AGAP1: variants seen among roughly 807,000 people sequenced by gnomAD.
The protein encoded by AGAP1 is arf-GAP with GTPase, ANK repeat and PH domain-containing protein 1.
In AGAP1, 29 loss-of-function variants were observed where a neutral mutation model predicts 105.3. That is an observed-to-expected ratio of 0.28 (90% CI 0.21 to 0.38). The LOEUF (loss-of-function observed/expected upper bound fraction) is 0.38. Ranked by LOEUF, AGAP1 falls within the 10% of genes least tolerant of loss-of-function variation. AGAP1 has a pLI of 1.00. For synonymous variants in AGAP1, 509 were observed against 485.9 expected (o/e 1.05, Z -0.63); for missense variants, 998 against 1,165.1 (o/e 0.86, Z 2.09).
At chr2:235,969,269 A>C (rs1349582695) in intron 13 of AGAP1, among the ~76,000 whole-genome samples, 1 of 150,020 alleles carries the variant, frequency 6.7e-6, no homozygotes, top group Non-Finnish European at 1.5e-5. Context: ...TTTTTTTTTT[A>C]ATTCATAGAT....
At chr2:235,986,474 G>A (rs2055318920) in intron 13 of AGAP1, among the ~76,000 whole-genome samples, 1 of 151,980 alleles carries the variant, frequency 6.6e-6, no homozygotes, top group Admixed American at 6.6e-5. Flanking sequence ...TTCTTCTCTT[G>A]CCTGATCGTC....
At chr2:235,554,484 GC>G (rs1303051827) in intron 1 of AGAP1, among the ~76,000 whole-genome samples, 3 of 152,198 alleles carry the variant, frequency 2.0e-5, no homozygotes, top group Non-Finnish European at 4.4e-5. Flanking sequence ...TTAATCAGAA[GC>G]CCCTGCTGCA....
rs188125721 is a variant in AGAP1, at chr2:235,710,601, G to A, written c.222+1364G>A. On this transcript the variant is annotated intron_variant, in intron 2 of 17. Transcript: ENST00000304032. ...CCTAGTGCTGTCTCAGAAGCCTGGG[G>A]TTCCGCAAGACTGGCCTGGAAAGAG... Among the ~76,000 whole-genome samples, 141 of 152,352 alleles carry A rather than the reference G, an allele frequency of 9.3e-4. 2 individuals carry two copies. The East Asian group carries it at 0.018, about 20-fold the overall frequency.
Position 235,888,329 on chromosome 2 carries a change from A to G in AGAP1, c.1155+4880A>G, listed in dbSNP as rs67327150. Among the ~76,000 whole-genome samples the G allele has an allele frequency of 0.44, 66,590 of 151,766 alleles. 14,998 individuals are homozygous for G. Among genetic ancestry groups the G allele is most frequent in the South Asian group, 0.75 (3,571 of 4,788 alleles). Reference sequence around the variant, plus strand: ...CTCTGTGACACAGGGATGTTCAGGCATAGTAGCTGATGTCAGAGGATTGCC... The same window carrying G: ...CTCTGTGACACAGGGATGTTCAGGCGTAGTAGCTGATGTCAGAGGATTGCC... On this transcript the variant is annotated intron_variant, in intron 10 of 17. Coordinates refer to ENST00000304032, the MANE Select transcript of AGAP1 (RefSeq NM_001037131.3). This position sits in a 1 kb window ranked among gnomAD's most constrained non-coding sequence, Gnocchi z 4.8.
At chr2:235,613,571 T>C (rs1445036080) in intron 1 of AGAP1, among the ~76,000 whole-genome samples, 1 of 152,126 alleles carries the variant, frequency 6.6e-6, no homozygotes, top group African/African-American at 2.4e-5. Context: ...TGTTTTTAGG[T>C]AAATAATAAC....
At chr2:235,847,660 G>T (rs1381718966) in intron 9 of AGAP1, among the ~76,000 whole-genome samples, 1 of 152,240 alleles carries the variant, frequency 6.6e-6, no homozygotes, top group Admixed American at 6.5e-5. Flanking sequence ...TTACTGAAGA[G>T]ATCATTTCTA....
Position 235,989,255 on chromosome 2 carries a change from T to A in AGAP1, c.1645+20632T>A, listed in dbSNP as rs1199364240. 1.3e-5 allele frequency among the ~76,000 whole-genome samples: 2 copies of A among 152,194 alleles called. No homozygotes were observed. The highest frequency in any genetic ancestry group is 2.4e-5 in the African/African-American group (1 of 41,440). ...TGCTGACAGGTATTTATTGACCAGG[T>A]ACTGTGTAGAGGTCGCTGCTGCGTG... On this transcript the variant is annotated intron_variant, in intron 13 of 17. Coordinates refer to ENST00000304032, the MANE Select transcript of AGAP1 (RefSeq NM_001037131.3). This position sits in a 1 kb window ranked among gnomAD's most constrained non-coding sequence, Gnocchi z 4.4.
intron 16 of AGAP1, among the ~76,000 whole-genome samples, chr2:236,116,767 A>G (rs2059781820): frequency 6.8e-6 from 1 of 146,006 alleles, no homozygotes; most frequent in Non-Finnish European, 1.5e-5. Flanking sequence ...CTTCCCCCCA[A>G]GTCCCCAAAG....
chr2:235,876,983 G>T (rs984621709), intron 9 of AGAP1, among the ~76,000 whole-genome samples: 2 of 151,958 alleles, frequency 1.3e-5, no homozygotes, highest in Admixed American at 6.6e-5. Context: ...AAGTAGCTGG[G>T]ATTACAGGCA....
intron 1 of AGAP1, among the ~76,000 whole-genome samples, chr2:235,703,293 C>G (rs1431317039): frequency 6.6e-6 from 1 of 151,970 alleles, no homozygotes. Flanking sequence ...TGTGTTACTC[C>G]AGGCTCACTT....
At chr2:235,565,534 G>GGATTC (rs1374721792) in intron 1 of AGAP1, among the ~76,000 whole-genome samples, 7 of 152,132 alleles carry the variant, frequency 4.6e-5, no homozygotes, top group Non-Finnish European at 1.0e-4. Context: ...AACTAACCAG[G>GGATTC]GATTCCTGTG....
chr2:236,063,711 G>A (rs1027443517), intron 16 of AGAP1, among the ~76,000 whole-genome samples: 5 of 152,206 alleles, frequency 3.3e-5, no homozygotes, highest in African/African-American at 1.2e-4. Context: ...CAAACTGTCC[G>A]AGGCCAGTGG....
At chr2:236,081,973 A>C (rs1347047348) in intron 16 of AGAP1, among the ~76,000 whole-genome samples, 1 of 152,182 alleles carries the variant, frequency 6.6e-6, no homozygotes, top group African/African-American at 2.4e-5. Context: ...ATGGGAAGTC[A>C]AACCTGAAAT....
At chr2:235,796,858 G>A (rs1048742717) in intron 6 of AGAP1, among the ~76,000 whole-genome samples, 6 of 152,164 alleles carry the variant, frequency 3.9e-5, no homozygotes, top group Admixed American at 1.3e-4. Context: ...CAAATCAAAA[G>A]TGTAGTTATT....
chr2:236,111,505 A>AG (rs1387582661), intron 16 of AGAP1, among the ~76,000 whole-genome samples: 1 of 151,122 alleles, frequency 6.6e-6, no homozygotes, highest in Non-Finnish European at 1.5e-5. Flanking sequence ...TAAAAAAAAA[A>AG]AGAGAGAGAA....
intron 1 of AGAP1, among the ~76,000 whole-genome samples, chr2:235,634,018 GC>G (rs1273202262): frequency 2.0e-5 from 3 of 152,176 alleles, no homozygotes; most frequent in African/African-American, 7.2e-5. Context: ...CCCCCAGCAA[GC>G]CCCCCGCCGC....
chr2:235,651,205 AAAAAAAAAAAAAG>A (rs1947578744), intron 1 of AGAP1, among the ~76,000 whole-genome samples: 3 of 133,110 alleles, frequency 2.3e-5, no homozygotes, highest in Non-Finnish European at 3.3e-5. Flanking sequence ...AAAAAAAAAA[AAAAAAAAAAAAAG>A]AGACACCCTT....
intron 13 of AGAP1, among the ~76,000 whole-genome samples, chr2:236,025,958 G>A (rs1000679534): frequency 2.0e-5 from 3 of 152,100 alleles, no homozygotes; most frequent in Non-Finnish European, 2.9e-5. Context: ...CTTATGTAAC[G>A]AACTGTAGGA....
chr2:235,826,520 G>C (rs1174724231), intron 9 of AGAP1, among the ~76,000 whole-genome samples: 1 of 152,044 alleles, frequency 6.6e-6, no homozygotes, highest in Non-Finnish European at 1.5e-5. Context: ...CACGATCTCG[G>C]CTCACTGCAA....
Sources: gnomAD v4.1 joint callset for allele counts (sites outside exome capture counted in the v4.1 genomes callset) on GRCh38, gnomAD v4.1.1 for gene constraint, Gnocchi (gnomAD v3.1) non-coding constraint, MANE v1.5 for transcripts, NCBI Gene and HGNC (gene_info 2026-07-23, HGNC 2026-07-21) for gene names.